Variants in FTO observed in about 807,000 individuals in gnomAD.
The protein encoded by FTO is FTO alpha-ketoglutarate dependent dioxygenase, also known as alpha-ketoglutarate-dependent dioxygenase FTO.
A neutral mutation model predicts 63.9 loss-of-function variants in FTO; 47 were observed. The ratio of observed to expected loss-of-function variants is 0.74; its 90% confidence interval spans 0.58 to 0.94. The LOEUF (loss-of-function observed/expected upper bound fraction) is 0.94, where lower values mean the gene tolerates loss of function less well. FTO is among the 40% of genes least tolerant of loss of function. The pLI is 0.00. For synonymous variants in FTO, 207 were observed against 224.4 expected, an observed-to-expected ratio of 0.92 and a Z score of 0.69; for missense variants, 562 against 618.1, an observed-to-expected ratio of 0.91 and a Z score of 0.96.
chr16:53,785,834 C>T (rs887892312), intron 1 of FTO, among the ~76,000 whole-genome samples: 11 of 150,332 alleles, frequency 7.3e-5, no homozygotes, highest in Non-Finnish European at 1.2e-4. Context: ...TGCTTGAACC[C>T]GGGAGGCGGA....
chr16:54,019,695 A>C (rs1260033775), intron 8 of FTO, among the ~76,000 whole-genome samples: 1 of 152,144 alleles, frequency 6.6e-6, no homozygotes, highest in Non-Finnish European at 1.5e-5. Context: ...TTCCTCTTTG[A>C]GAATCTTCTG....
chr16:53,855,962 G>A (rs2079979071), intron 4 of FTO, among the ~76,000 whole-genome samples: 1 of 152,136 alleles, frequency 6.6e-6, no homozygotes, highest in African/African-American at 2.4e-5. Flanking sequence ...TTCAATTAGA[G>A]TCACCCTGTT....
At chr16:53,964,399 G>A (rs916108726) in intron 8 of FTO, among the ~76,000 whole-genome samples, 2 of 152,186 alleles carry the variant, frequency 1.3e-5, no homozygotes, top group Non-Finnish European at 2.9e-5. Flanking sequence ...GTTGAGGCCA[G>A]GAGGAAGGGT....
chr16:53,916,448 A>G (rs1158643960), intron 7 of FTO, among the ~76,000 whole-genome samples: 1 of 152,232 alleles, frequency 6.6e-6, no homozygotes, highest in Non-Finnish European at 1.5e-5. Context: ...ATAAATTTGT[A>G]AGAAGTATAG....
rs1313862380 is a variant in FTO at position 53,711,274 on chromosome 16, G to A, written c.45+7045G>A. Reference sequence around the variant, plus strand: ...GGGGTTCCATTAACTTATTTCCCATGCAGCCAGAATGGTACTAGTTTTGTA... The same window carrying A: ...GGGGTTCCATTAACTTATTTCCCATACAGCCAGAATGGTACTAGTTTTGTA... On this transcript the variant is annotated intron_variant, in intron 1 of 8. Transcript: ENST00000471389. The A allele has an allele frequency of 4.1e-5, 16 of 391,800 alleles. No homozygotes were observed. The Admixed American group carries it at 6.7e-4, about 16-fold the overall frequency. The allele number at this position is 391,800 out of a possible 1,614,324, so 24.3% of individuals were successfully genotyped here. A position where few individuals can be genotyped will look rare whatever the true frequency, so the allele number is the denominator to read the frequency against.
chr16:54,029,337 C>T (rs144831422), intron 8 of FTO, among the ~76,000 whole-genome samples: 5 of 152,262 alleles, frequency 3.3e-5, no homozygotes, highest in East Asian at 1.9e-4. Flanking sequence ...TTATGTAAGG[C>T]GTTCCAGGCA....
chr16:53,721,764 C>T (rs1048111760), intron 1 of FTO, among the ~76,000 whole-genome samples: 9 of 152,218 alleles, frequency 5.9e-5, no homozygotes, highest in African/African-American at 1.7e-4. Context: ...TATTGGTCAC[C>T]GAAGGATTTC....
intron 7 of FTO, among the ~76,000 whole-genome samples, chr16:53,895,884 A>C (rs976471670): frequency 2.0e-5 from 3 of 152,014 alleles, no homozygotes; most frequent in African/African-American, 7.3e-5. Context: ...ATCTCTCTTA[A>C]CTCTTAGTGT....
intron 8 of FTO, among the ~76,000 whole-genome samples, chr16:53,946,951 C>T (rs1279343432): frequency 6.6e-6 from 1 of 152,212 alleles, no homozygotes; most frequent in African/African-American, 2.4e-5. Context: ...GTTGGTGCTA[C>T]CCTCCCAGTG....
intron 8 of FTO, among the ~76,000 whole-genome samples, chr16:54,025,969 C>T (rs780504229): frequency 6.6e-6 from 1 of 152,028 alleles, no homozygotes; most frequent in Non-Finnish European, 1.5e-5. Context: ...GCTGAGATCA[C>T]GCCACTGCAC....
chr16:53,972,659 G>A (rs1002035153), intron 8 of FTO, among the ~76,000 whole-genome samples: 2 of 152,184 alleles, frequency 1.3e-5, no homozygotes, highest in East Asian at 1.9e-4. Context: ...AGACTCAAAT[G>A]TTGGTGGATA....
chr16:53,762,748 G>T (rs1252046504), intron 1 of FTO, among the ~76,000 whole-genome samples: 1 of 152,170 alleles, frequency 6.6e-6, no homozygotes, highest in African/African-American at 2.4e-5. Flanking sequence ...ATATTTTGTT[G>T]TTTGCATTAT....
intron 1 of FTO, among the ~76,000 whole-genome samples, chr16:53,774,951 C>A (rs756391386): frequency 3.9e-5 from 6 of 152,262 alleles, no homozygotes; most frequent in South Asian, 4.1e-4. Flanking sequence ...ATGTTGCCTG[C>A]AGAAAAAGTT....
chr16:54,081,430 AAAT>A (rs2086138278), intron 8 of FTO, among the ~76,000 whole-genome samples: 1 of 152,156 alleles, frequency 6.6e-6, no homozygotes, highest in Non-Finnish European at 1.5e-5. Context: ...CACAGATATG[AAAT>A]CCAGCCTGAC....
At chr16:53,744,837 T>C (rs563320466) in intron 1 of FTO, among the ~76,000 whole-genome samples, 1,472 of 142,572 alleles carry the variant, frequency 0.01, 22 homozygotes, top group East Asian at 0.045. Flanking sequence ...CCCCCCCCCA[T>C]ATATGAATCT....
intron 7 of FTO, among the ~76,000 whole-genome samples, chr16:53,904,973 A>G (rs2081500114): frequency 6.6e-6 from 1 of 151,908 alleles, no homozygotes; most frequent in South Asian, 2.1e-4. Context: ...CTTTGCGGGG[A>G]ACTGTGATGA....
intron 8 of FTO, chr16:54,013,281 A>G: frequency 6.4e-6 from 1 of 157,226 alleles, no homozygotes; most frequent in Non-Finnish European, 1.4e-5. Context: ...TGGAGCCTGA[A>G]GATGTGATTG....
chr16:53,917,878 A>G (rs2081917777), intron 7 of FTO, among the ~76,000 whole-genome samples: 2 of 152,134 alleles, frequency 1.3e-5, no homozygotes, highest in African/African-American at 2.4e-5. Context: ...TTATCTAAGG[A>G]CAAGTACAGC....
chr16:53,904,172 A>G (rs1455619274), intron 7 of FTO, among the ~76,000 whole-genome samples: 2 of 152,018 alleles, frequency 1.3e-5, no homozygotes, highest in African/African-American at 4.8e-5. Flanking sequence ...AGTGCAGTGT[A>G]TCATCAGACT....
Sources: allele counts gnomAD v4.1 joint callset (sites outside exome capture counted in the v4.1 genomes callset), GRCh38; gene constraint gnomAD v4.1.1; transcripts MANE v1.5; gene names NCBI Gene and HGNC (gene_info 2026-07-23, HGNC 2026-07-21).